The following SORCS3 variants were observed in gnomAD, a reference collection of about 807,000 sequenced individuals.
SORCS3 encodes VPS10 domain-containing receptor SorCS3.
Under a neutral mutation model 146.3 loss-of-function variants are expected in SORCS3, and 57 were observed. That is an observed-to-expected ratio of 0.39 (90% CI 0.31 to 0.49). The LOEUF is 0.49. Among genes scored for constraint, SORCS3 ranks in the 20% least tolerant of loss-of-function variants. The probability of loss-of-function intolerance (pLI) is 0.92; values close to 1 mark genes in which losing one functional copy is unlikely to be tolerated. For synonymous variants in SORCS3, 653 were observed against 618.5 expected, an observed-to-expected ratio of 1.06 and a Z score of -0.83; for missense variants, 1,341 against 1,575.5, an observed-to-expected ratio of 0.85 and a Z score of 2.52.
intron 4 of SORCS3, among the ~76,000 whole-genome samples, chr10:104,989,393 G>A (rs1415662157): frequency 2.6e-5 from 4 of 152,168 alleles, no homozygotes; most frequent in African/African-American, 9.7e-5. Flanking sequence ...CGTGCATATT[G>A]TCCTTGTGAA....
In SORCS3 at chr10:105,205,729, A is replaced by G. The variant is rs181730019; in HGVS notation, c.2261+4476A>G. ...TCATTCATCTAACTTCTCACTCGAC[A>G]AAAACTTTACTGAGCCCCTACTATG... On this transcript the variant is annotated intron_variant, in intron 16 of 26. Transcript: ENST00000369701. Among the ~76,000 whole-genome samples, 151 of 152,306 alleles carry G rather than the reference A, an allele frequency of 9.9e-4. 1 individual carries two copies. The South Asian group carries it at 1.0e-2, about 10-fold the overall frequency.
At chr10:104,817,953 A>G (rs1003697107) in intron 1 of SORCS3, among the ~76,000 whole-genome samples, 2 of 151,882 alleles carry the variant, frequency 1.3e-5, no homozygotes, top group African/African-American at 4.8e-5. Flanking sequence ...TCTACCACAC[A>G]TTACCTTCCT....
At chr10:104,910,378 C>G (rs567245964) in intron 2 of SORCS3, among the ~76,000 whole-genome samples, 1 of 152,188 alleles carries the variant, frequency 6.6e-6, no homozygotes, top group East Asian at 1.9e-4. Flanking sequence ...ACACAAGAAG[C>G]CACGCATAAG....
In SORCS3 at chr10:104,641,336, G is replaced by T. The variant is rs1383832712; in HGVS notation, c.9G>T (p.Ala3=). The T allele has an allele frequency of 3.0e-6, 4 of 1,337,088 alleles. No homozygotes were observed. The highest frequency in any genetic ancestry group is 3.8e-5 in the Admixed American group (1 of 26,028). The allele number at this position is 1,337,088 out of a possible 1,614,324, so 82.8% of individuals were successfully genotyped here. ME[A]ARTERPAGRP... ...GCGGTAGCCGCAGCGGGATGGAGGC[G>T]GCGCGCACGGAGCGCCCCGCAGGCA... The change falls in exon 1 of 27, where the codon GCG becomes GCT. Residue 3 remains alanine (A), a synonymous_variant. Coordinates refer to ENST00000369701, the MANE Select transcript of SORCS3 (RefSeq NM_014978.3). This position sits in a 1 kb window ranked among gnomAD's most constrained non-coding sequence, Gnocchi z 6.4.
chr10:105,096,434 G>A (rs942619957), intron 6 of SORCS3, among the ~76,000 whole-genome samples: 1 of 152,094 alleles, frequency 6.6e-6, no homozygotes, highest in Admixed American at 6.6e-5. Flanking sequence ...CTGAGCTGCC[G>A]GGTATATACA....
At chr10:104,785,109 C>T (rs991234538) in intron 1 of SORCS3, among the ~76,000 whole-genome samples, 17 of 151,896 alleles carry the variant, frequency 1.1e-4, no homozygotes, top group African/African-American at 3.1e-4. Context: ...CTGGACGGGG[C>T]GGCTGCAATG....
At chr10:104,906,800 C>T (rs2133593829) in intron 2 of SORCS3, among the ~76,000 whole-genome samples, 1 of 152,218 alleles carries the variant, frequency 6.6e-6, no homozygotes, top group African/African-American at 2.4e-5. Context: ...CACTTTATTG[C>T]TATAATTTTT....
chr10:104,855,950 G>A (rs192023603), intron 2 of SORCS3, among the ~76,000 whole-genome samples: 1 of 152,078 alleles, frequency 6.6e-6, no homozygotes, highest in Non-Finnish European at 1.5e-5. Context: ...TGTCCAGGCT[G>A]GTCTTGTACT....
chr10:104,728,484 T>C (rs948837631), intron 1 of SORCS3, among the ~76,000 whole-genome samples: 1 of 152,050 alleles, frequency 6.6e-6, no homozygotes, highest in African/African-American at 2.4e-5. Flanking sequence ...GGGATGATAA[T>C]AGGAAGTTGA....
intron 1 of SORCS3, among the ~76,000 whole-genome samples, chr10:104,684,364 G>C (rs1021331623): frequency 5.9e-5 from 9 of 152,232 alleles, no homozygotes; most frequent in Admixed American, 5.2e-4. Flanking sequence ...TCTTTAATTG[G>C]TGATTTGGTT....
At chr10:104,820,911 T>C (rs1271943857) in intron 1 of SORCS3, among the ~76,000 whole-genome samples, 1 of 152,182 alleles carries the variant, frequency 6.6e-6, no homozygotes, top group Non-Finnish European at 1.5e-5. Context: ...GATTTTGATC[T>C]GAGGCTTAAA....
chr10:104,916,552 T>C (rs550558323), intron 3 of SORCS3, among the ~76,000 whole-genome samples: 2 of 152,292 alleles, frequency 1.3e-5, no homozygotes, highest in South Asian at 4.1e-4. Flanking sequence ...AGGTCAGACC[T>C]TGGCCATGGA....
intron 7 of SORCS3, among the ~76,000 whole-genome samples, chr10:105,114,140 C>A (rs2055877690): frequency 6.6e-6 from 1 of 152,110 alleles, no homozygotes; most frequent in Non-Finnish European, 1.5e-5. Flanking sequence ...CCCTTAGTAA[C>A]CTGTCACCAG....
At chr10:104,649,662 G>A (rs755892250) in intron 1 of SORCS3, among the ~76,000 whole-genome samples, 21 of 152,120 alleles carry the variant, frequency 1.4e-4, no homozygotes, top group South Asian at 4.1e-4. Flanking sequence ...CTTTTATGTC[G>A]TGCTAAAGTA....
At chr10:105,094,539 G>A (rs1189983792) in intron 6 of SORCS3, among the ~76,000 whole-genome samples, 1 of 151,934 alleles carries the variant, frequency 6.6e-6, no homozygotes. Context: ...TGCACTGAGG[G>A]GACACACAGG....
chr10:105,105,840 C>T (rs1231003458), intron 7 of SORCS3, among the ~76,000 whole-genome samples: 1 of 152,144 alleles, frequency 6.6e-6, no homozygotes, highest in Non-Finnish European at 1.5e-5. Flanking sequence ...TCTATTTCTA[C>T]CCAAAGTGAC....
intron 1 of SORCS3, among the ~76,000 whole-genome samples, chr10:104,796,270 G>A (rs1452364851): frequency 6.6e-6 from 1 of 152,216 alleles, no homozygotes; most frequent in Non-Finnish European, 1.5e-5. Context: ...TTTCCAGAGT[G>A]TAAGAATTGT....
At chr10:105,150,293 C>T (rs1007882089) in intron 9 of SORCS3, among the ~76,000 whole-genome samples, 2 of 152,094 alleles carry the variant, frequency 1.3e-5, no homozygotes, top group Admixed American at 6.6e-5. Context: ...TGCTGTACCC[C>T]AGAATTGAAT....
chr10:104,793,587 A>G (rs116951075), intron 1 of SORCS3, among the ~76,000 whole-genome samples: 3,333 of 152,294 alleles, frequency 0.022, 65 homozygotes, highest in Non-Finnish European at 0.033. Flanking sequence ...GGACTTAGCA[A>G]TGATTGAATG....
Sources: gnomAD v4.1 joint callset for allele counts (sites outside exome capture counted in the v4.1 genomes callset) on GRCh38, gnomAD v4.1.1 for gene constraint, Gnocchi (gnomAD v3.1) non-coding constraint, MANE v1.5 for transcripts, NCBI Gene and HGNC (gene_info 2026-07-23, HGNC 2026-07-21) for gene names.